The following ZSCAN4 variants were observed in gnomAD, a reference collection of about 807,000 sequenced individuals.
ZSCAN4 encodes zinc finger and SCAN domain containing 4, also known as zinc finger and SCAN domain-containing protein 4.
A neutral mutation model predicts 18.3 loss-of-function variants in ZSCAN4; 18 were observed. That is an observed-to-expected ratio of 0.98 (90% confidence interval 0.68 to 1.46). The LOEUF (loss-of-function observed/expected upper bound fraction) is 1.46. ZSCAN4 is among the 40% of genes most tolerant of loss of function. ZSCAN4 has a pLI of 0.00. For synonymous variants in ZSCAN4, 193 were observed against 180.3 expected, an observed-to-expected ratio of 1.07 and a Z score of -0.57; for missense variants, 498 against 511.4, an observed-to-expected ratio of 0.97 and a Z score of 0.25.
the ZSCAN4 span, among the ~76,000 whole-genome samples, chr19:57,656,251 A>C: frequency 6.6e-6 from 1 of 152,184 alleles, no homozygotes. Context: ...GCAGCCTGGC[A>C]GGTGGCCCAC....
the ZSCAN4 span, among the ~76,000 whole-genome samples, chr19:57,660,890 T>C: frequency 1.3e-5 from 2 of 152,272 alleles, no homozygotes; most frequent in South Asian, 4.2e-4. Flanking sequence ...ATTCCTCTTC[T>C]GTCTACACAG....
intron 3 of ZSCAN4, among the ~76,000 whole-genome samples, chr19:57,677,490 T>C (rs1258547312): frequency 6.6e-6 from 1 of 152,148 alleles, no homozygotes; most frequent in African/African-American, 2.4e-5. Context: ...TGAAACACTG[T>C]CTAGTCTTCC....
exon 3 of ZSCAN4, chr19:57,676,067 T>A: frequency 1.4e-6 from 2 of 1,392,928 alleles, no homozygotes; most frequent in Non-Finnish European, 1.9e-6. Context: ...ATCCACCAAC[T>A]GTTGAAACAA....
At chr19:57,669,652 C>T (rs1279603659) in intron 1 of ZSCAN4, among the ~76,000 whole-genome samples, 1 of 150,816 alleles carries the variant, frequency 6.6e-6, no homozygotes, top group Non-Finnish European at 1.5e-5. Context: ...GTCTCGAACT[C>T]TTGACCTCGT....
chr19:57,661,973 C>T, the ZSCAN4 span, among the ~76,000 whole-genome samples: 1 of 151,204 alleles, frequency 6.6e-6, no homozygotes, highest in Non-Finnish European at 1.5e-5. Context: ...CCCAGCTACT[C>T]AGGAGGCTGA....
chr19:57,676,176 T>G, exon 3 of ZSCAN4: 1 of 1,613,732 alleles, frequency 6.2e-7, no homozygotes. Flanking sequence ...CATATTTCAG[T>G]GTGAACCATC....
chr19:57,660,611 A>G, the ZSCAN4 span, among the ~76,000 whole-genome samples: 31 of 152,304 alleles, frequency 2.0e-4, 2 homozygotes, highest in African/African-American at 7.5e-4. Flanking sequence ...GCCATGAAAA[A>G]TTCATGGAGC....
At chr19:57,658,443 C>T in the ZSCAN4 span, among the ~76,000 whole-genome samples, 1 of 152,146 alleles carries the variant, frequency 6.6e-6, no homozygotes, top group Admixed American at 6.5e-5. Flanking sequence ...TCAAATTATA[C>T]ACTGGAAATT....
rs955411450 is a variant in ZSCAN4 at position 57,676,807 on chromosome 19, T to C, written c.396+266T>C. On this transcript the variant is annotated intron_variant, in intron 3 of 4. Coordinates refer to ENST00000318203, the Ensembl canonical transcript of ZSCAN4. ...TTGATTAACTTAATTTTAGTCTGCA[T>C]AATGGCAGACTCTGAGAAATTGACT... Among the ~76,000 whole-genome samples the C allele has an allele frequency of 2.8e-4, 42 of 152,224 alleles. 2 individuals carry two copies. Among genetic ancestry groups the C allele is most frequent in the Non-Finnish European group, 1.5e-5 (1 of 68,034 alleles).
upstream of ZSCAN4, among the ~76,000 whole-genome samples, chr19:57,666,897 TTTA>T (rs138146671): frequency 9.9e-5 from 15 of 151,074 alleles, no homozygotes; most frequent in African/African-American, 3.2e-4. Flanking sequence ...CTACCAGGTT[TTTA>T]TTATTATTAT....
At chr19:57,678,381 G>C (rs1984255600) in exon 5 of ZSCAN4, 1 of 1,614,006 alleles carries the variant, frequency 6.2e-7, no homozygotes, top group Non-Finnish European at 8.5e-7. Flanking sequence ...GTCCATAAAT[G>C]GAATCACTTT....
Position 57,678,016 on chromosome 19 carries a change from A to G in ZSCAN4, c.499A>G (p.Arg167Gly), listed in dbSNP as rs978798579. The change falls in exon 4 of 5, where the codon AGA (arginine) becomes GGA (glycine). Residue 167 changes from arginine to glycine, a missense_variant. Arg to Gly is a moderately radical substitution (Grantham distance 125). Transcript: ENST00000318203. ...AAAACAAGTGAATGCCCAAACCACA[A>G]GAGAAGCAAACATGGGGACACCCTC... 1 of 1,602,498 alleles carries G rather than the reference A, an allele frequency of 6.2e-7. No homozygotes were observed. The highest frequency in any genetic ancestry group is 1.3e-5 in the African/African-American group (1 of 74,284).
intron 3 of ZSCAN4, among the ~76,000 whole-genome samples, chr19:57,677,704 G>T (rs757575484): frequency 1.3e-5 from 2 of 152,194 alleles, no homozygotes; most frequent in Non-Finnish European, 2.9e-5. Context: ...TAGGGGAAAT[G>T]ATTCAGTACT....
chr19:57,677,886 T>C, intron 3 of ZSCAN4, 28 bp from the exon 4 acceptor site: 2 of 1,509,496 alleles, frequency 1.3e-6, no homozygotes, highest in African/African-American at 1.4e-5. Context: ...CAGATTCAGA[T>C]ACAACAGTGA....
chr19:57,672,769 AT>A (rs1245910632), intron 2 of ZSCAN4, among the ~76,000 whole-genome samples: 4 of 151,954 alleles, frequency 2.6e-5, no homozygotes. Flanking sequence ...CACCCAACTC[AT>A]TTTTGAATTT....
At chr19:57,651,776 C>G in the ZSCAN4 span, among the ~76,000 whole-genome samples, 4 of 152,164 alleles carry the variant, frequency 2.6e-5, no homozygotes, top group African/African-American at 9.7e-5. Context: ...CTCCCAGCCC[C>G]GTCTTCCTAC....
At chr19:57,672,454 T>C (rs1257393317) in intron 2 of ZSCAN4, among the ~76,000 whole-genome samples, 2 of 152,130 alleles carry the variant, frequency 1.3e-5, no homozygotes, top group Non-Finnish European at 2.9e-5. Context: ...CTTTTTCTTG[T>C]TTTCCCTAGC....
At chr19:57,675,689 G>A (rs1252207013) in intron 2 of ZSCAN4, among the ~76,000 whole-genome samples, 1 of 152,102 alleles carries the variant, frequency 6.6e-6, no homozygotes, top group East Asian at 1.9e-4. Flanking sequence ...TTATGTTCTT[G>A]TATCCATATC....
At chr19:57,654,851 CA>C in the ZSCAN4 span, among the ~76,000 whole-genome samples, 2 of 152,186 alleles carry the variant, frequency 1.3e-5, no homozygotes, top group African/African-American at 4.8e-5. Flanking sequence ...TATATTCCCA[CA>C]GGGGGGCTGG....
Sources: gnomAD v4.1 joint callset for allele counts (sites outside exome capture counted in the v4.1 genomes callset) on GRCh38, gnomAD v4.1.1 for gene constraint, MANE v1.5 for transcripts, NCBI Gene and HGNC (gene_info 2026-07-23, HGNC 2026-07-21) for gene names.